Variants in MAP3K5 observed in about 807,000 individuals in gnomAD.
The protein encoded by MAP3K5 is mitogen-activated protein kinase kinase kinase 5.
Under a neutral mutation model 158.7 loss-of-function variants are expected in MAP3K5, and 56 were observed. That is an observed-to-expected ratio of 0.35 (90% CI 0.28 to 0.44). MAP3K5 has a LOEUF of 0.44. Among genes scored for constraint, MAP3K5 ranks in the 20% least tolerant of loss-of-function variants. The pLI is 1.00. For missense variants in MAP3K5, 1,294 were observed against 1,674.8 expected, an observed-to-expected ratio of 0.77 and a Z score of 3.97; for synonymous variants, 579 against 601.7, an observed-to-expected ratio of 0.96 and a Z score of 0.55.
At chr6:136,589,568 T>C (rs1562527442) in intron 23 of MAP3K5, among the ~76,000 whole-genome samples, 1 of 152,170 alleles carries the variant, frequency 6.6e-6, no homozygotes, top group Non-Finnish European at 1.5e-5. Flanking sequence ...CAAATTCGTA[T>C]GTTGAAGCCC....
At chr6:136,763,694 A>G (rs1195113071) in intron 1 of MAP3K5, among the ~76,000 whole-genome samples, 3 of 152,166 alleles carry the variant, frequency 2.0e-5, no homozygotes, top group South Asian at 2.1e-4. Context: ...ACAGGCACAG[A>G]GCTACTGCTG....
intron 29 of MAP3K5, among the ~76,000 whole-genome samples, chr6:136,558,266 C>G (rs1182666851): frequency 6.6e-6 from 1 of 151,854 alleles, no homozygotes; most frequent in Non-Finnish European, 1.5e-5. Flanking sequence ...ATAGTCCCAG[C>G]TACTTGGGAG....
At chr6:136,763,731 T>C (rs1466857651) in intron 1 of MAP3K5, among the ~76,000 whole-genome samples, 2 of 152,112 alleles carry the variant, frequency 1.3e-5, no homozygotes, top group Admixed American at 6.5e-5. Context: ...CCCCTCCAAG[T>C]GTCATGGTGA....
At chr6:136,723,177 T>C (rs993069306) in intron 1 of MAP3K5, among the ~76,000 whole-genome samples, 1 of 151,994 alleles carries the variant, frequency 6.6e-6, no homozygotes, top group Non-Finnish European at 1.5e-5. Context: ...AGAAAATGTT[T>C]ATATACGTGT....
intron 1 of MAP3K5, among the ~76,000 whole-genome samples, chr6:136,789,739 T>C (rs1019696356): frequency 1.5e-5 from 2 of 136,994 alleles, no homozygotes; most frequent in Non-Finnish European, 3.1e-5. Flanking sequence ...CAGTCTGGAG[T>C]GTGCAGTGGT....
chr6:136,587,690 G>A (rs1461980505), intron 23 of MAP3K5, among the ~76,000 whole-genome samples: 1 of 152,216 alleles, frequency 6.6e-6, no homozygotes, highest in East Asian at 1.9e-4. Context: ...ACAGCAGTCA[G>A]AAGGGCCCCA....
rs1257924170 is a variant in MAP3K5 at position 136,613,423 on chromosome 6, TA to T, written c.2279-168del. Among the ~76,000 whole-genome samples, 2 of 152,208 alleles carry T rather than the reference TA, an allele frequency of 1.3e-5. No individual in the cohort carries two copies. Among genetic ancestry groups the T allele is most frequent in the Non-Finnish European group, 2.9e-5 (2 of 68,024 alleles). ...CATGAATTTGCAAATATCCCTACTC[TA>T]AAGATGCTTGTAATCAAATATGTCT... On this transcript the variant is annotated intron_variant, in intron 16 of 29. Coordinates refer to ENST00000359015, the MANE Select transcript of MAP3K5 (RefSeq NM_005923.4). This position sits in a 1 kb window ranked among gnomAD's most constrained non-coding sequence, Gnocchi z 4.0.
At chr6:136,572,680 G>A (rs1774424950) in intron 25 of MAP3K5, among the ~76,000 whole-genome samples, 2 of 152,176 alleles carry the variant, frequency 1.3e-5, no homozygotes, top group South Asian at 2.1e-4. Context: ...TTTTACGTAT[G>A]TATATATGAC....
intron 6 of MAP3K5, among the ~76,000 whole-genome samples, chr6:136,694,627 AT>A (rs1562619920): frequency 6.6e-6 from 1 of 152,172 alleles, no homozygotes; most frequent in East Asian, 1.9e-4. Context: ...GTGAAACGAG[AT>A]TAGAGTTGTA....
rs552140175 is a variant in MAP3K5, at chr6:136,744,161, G to A, written c.449-23572C>T. Among the ~76,000 whole-genome samples, 4 of 152,118 alleles carry A rather than the reference G, an allele frequency of 2.6e-5. No individual in the cohort carries two copies. In the East Asian group the frequency reaches 7.7e-4, roughly 29 times the overall value. ...GAATGAACCCTAATGTAAGCTATGG[G>A]CATCAGGTGATAATGATGTGTCAAT... On this transcript the variant is annotated intron_variant, in intron 1 of 29. Transcript: ENST00000359015.
intron 18 of MAP3K5, among the ~76,000 whole-genome samples, 175 bp downstream of exon 18, chr6:136,611,107 C>CAAAAAAAA (rs59508317): frequency 4.2e-3 from 103 of 24,458 alleles, no homozygotes; most frequent in Middle Eastern, 0.038. Context: ...GACCCTGTCT[C>CAAAAAAAA]AAAAAAAAAA....
intron 3 of MAP3K5, among the ~76,000 whole-genome samples, chr6:136,699,318 G>A (rs751303951): frequency 6.6e-6 from 1 of 152,038 alleles, no homozygotes; most frequent in Non-Finnish European, 1.5e-5. Context: ...TGCACCAATG[G>A]ACCTGGCCTG....
At chr6:136,563,582 G>A (rs1392245190) in intron 26 of MAP3K5, among the ~76,000 whole-genome samples, 1 of 152,024 alleles carries the variant, frequency 6.6e-6, no homozygotes, top group Non-Finnish European at 1.5e-5. Flanking sequence ...GTTCCTAGTT[G>A]GCATCTGATG....
intron 2 of MAP3K5, among the ~76,000 whole-genome samples, chr6:136,717,617 G>A (rs955601744): frequency 6.6e-6 from 1 of 152,096 alleles, no homozygotes; most frequent in African/African-American, 2.4e-5. Flanking sequence ...CTCTTGTTCT[G>A]CTTCTTTCAT....
At chr6:136,593,217 C>T (rs1401418543) in intron 21 of MAP3K5, among the ~76,000 whole-genome samples, 1 of 152,196 alleles carries the variant, frequency 6.6e-6, no homozygotes, top group Non-Finnish European at 1.5e-5. Flanking sequence ...ACTAGATGAT[C>T]TCTTAGGTCT....
chr6:136,611,107 C>CAA lies in MAP3K5; in HGVS notation c.2521+173_2521+174dup, dbSNP rs59508317. ...TAGGTGACAGGGCAAGACCCTGTCT[C>CAA]AAAAAAAAAAAAAAAAAAAAAAAAA... On this transcript the variant is annotated intron_variant, in intron 18 of 29. Transcript: ENST00000359015. 3.8e-3 allele frequency among the ~76,000 whole-genome samples: 92 copies of CAA among 24,450 alleles called. 8 individuals carry two copies. Among genetic ancestry groups the CAA allele is most frequent in the African/African-American group, 6.7e-3 (56 of 8,336 alleles). 16.0% of individuals were successfully genotyped at this position (24,450 alleles called of 152,430 possible). A position where few individuals can be genotyped will look rare whatever the true frequency, so the allele number is the denominator to read the frequency against.
intron 25 of MAP3K5, among the ~76,000 whole-genome samples, chr6:136,575,455 C>G (rs569904510): frequency 6.6e-6 from 1 of 152,158 alleles, no homozygotes; most frequent in Non-Finnish European, 1.5e-5. Flanking sequence ...TGAGTCACCA[C>G]ACCTGACTTT....
chr6:136,658,305 C>CTT lies in MAP3K5; in HGVS notation c.1526+912_1526+913dup, dbSNP rs201524930. Among the ~76,000 whole-genome samples, 379 of 112,080 alleles carry CTT rather than the reference C, an allele frequency of 3.4e-3. 8 individuals carry two copies. Among genetic ancestry groups the CTT allele is most frequent in the African/African-American group, 8.7e-3 (250 of 28,660 alleles). The allele number at this position is 112,080 out of a possible 152,430, so 73.5% of individuals were successfully genotyped here. A position where few individuals can be genotyped will look rare whatever the true frequency, so the allele number is the denominator to read the frequency against. On this transcript the variant is annotated intron_variant, in intron 9 of 29. Transcript: ENST00000359015. ...CTTTTTCTTTTTCTTTTCTTTCTTT[C>CTT]TTTCTTTCTTTTTTTTTTTTTTTTT...
At chr6:136,618,988 G>A (rs1362369635) in intron 15 of MAP3K5, among the ~76,000 whole-genome samples, 2 of 152,198 alleles carry the variant, frequency 1.3e-5, no homozygotes, top group African/African-American at 4.8e-5. Context: ...GGCATTTTGG[G>A]CGAGTGCAAC....
Sources: gnomAD v4.1 joint callset for allele counts (sites outside exome capture counted in the v4.1 genomes callset) on GRCh38, gnomAD v4.1.1 for gene constraint, Gnocchi (gnomAD v3.1) non-coding constraint, MANE v1.5 for transcripts, NCBI Gene and HGNC (gene_info 2026-07-23, HGNC 2026-07-21) for gene names.